Variants in PCDH7 observed in about 807,000 individuals in gnomAD.
PCDH7 encodes protocadherin-7.
Under a neutral mutation model 58.9 loss-of-function variants are expected in PCDH7, and 17 were observed. That is an observed-to-expected ratio of 0.29 (90% confidence interval 0.20 to 0.43). The LOEUF (loss-of-function observed/expected upper bound fraction) is 0.43, where lower values mean the gene tolerates loss of function less well. Ranked by LOEUF, PCDH7 falls within the 20% of genes least tolerant of loss-of-function variation. The pLI is 1.00. For synonymous variants in PCDH7, 664 were observed against 616.4 expected (o/e 1.08, Z -1.14); for missense variants, 1,274 against 1,441.0 (o/e 0.88, Z 1.88).
At chr4:30,961,612 C>A (rs1748445654) in intron 3 of PCDH7, among the ~76,000 whole-genome samples, 1 of 152,040 alleles carries the variant, frequency 6.6e-6, no homozygotes, top group Non-Finnish European at 1.5e-5. Context: ...TGATTATAAT[C>A]AAAACATATC....
intron 1 of PCDH7, among the ~76,000 whole-genome samples, chr4:30,834,686 C>G (rs778093608): frequency 6.6e-6 from 1 of 151,602 alleles, no homozygotes; most frequent in Non-Finnish European, 1.5e-5. Context: ...AAACCTGAGT[C>G]TCTTCCAAGA....
At chr4:30,720,403 G>C (rs1028609299), upstream of PCDH7, 1 of 152,742 alleles carries the variant, frequency 6.5e-6, no homozygotes, top group African/African-American at 2.4e-5. The surrounding 1 kb of genome is among the most constrained non-coding windows in gnomAD (Gnocchi z 4.7). Context: ...CCACTGCTCC[G>C]ACATGCGGGC....
At chr4:30,947,283 G>A (rs532764158) in intron 2 of PCDH7, among the ~76,000 whole-genome samples, 1 of 152,032 alleles carries the variant, frequency 6.6e-6, no homozygotes, top group East Asian at 1.9e-4. Flanking sequence ...GATTCCTGTC[G>A]TTTTGGGAAA....
At chr4:30,758,249 A>G (rs1719565106) in intron 1 of PCDH7, among the ~76,000 whole-genome samples, 1 of 152,096 alleles carries the variant, frequency 6.6e-6, no homozygotes, top group African/African-American at 2.4e-5. Flanking sequence ...CCAGGTAGAA[A>G]CCTGTATGGG....
At chr4:30,814,937 A>T (rs1344330677) in intron 1 of PCDH7, among the ~76,000 whole-genome samples, 2 of 152,038 alleles carry the variant, frequency 1.3e-5, no homozygotes, top group African/African-American at 4.8e-5. Flanking sequence ...CGTGATGGGA[A>T]TGTAAAAAAC....
intron 3 of PCDH7, among the ~76,000 whole-genome samples, chr4:31,007,161 C>T (rs73214969): frequency 0.06 from 9,070 of 152,216 alleles, 373 homozygotes; most frequent in Non-Finnish European, 0.091. Context: ...ACATTACAAG[C>T]TGTCTGGCTT....
At chr4:31,100,736 G>T (rs1336495182) in intron 3 of PCDH7, among the ~76,000 whole-genome samples, 1 of 152,186 alleles carries the variant, frequency 6.6e-6, no homozygotes, top group Non-Finnish European at 1.5e-5. Context: ...ACTTTCTGGA[G>T]AAGTCATAAG....
chr4:31,136,906 T>TTTA (rs1719671818), intron 3 of PCDH7, among the ~76,000 whole-genome samples: 1 of 151,978 alleles, frequency 6.6e-6, no homozygotes, highest in Non-Finnish European at 1.5e-5. Context: ...TTAACCAGCA[T>TTTA]TTAATTATTT....
At chr4:30,905,265 A>G (rs182874989) in intron 1 of PCDH7, among the ~76,000 whole-genome samples, 1 of 152,190 alleles carries the variant, frequency 6.6e-6, no homozygotes, top group Non-Finnish European at 1.5e-5. Flanking sequence ...AGTGTTTTAC[A>G]TACTACTGGA....
chr4:31,115,515 T>A (rs1382234127), intron 3 of PCDH7, among the ~76,000 whole-genome samples: 3 of 152,182 alleles, frequency 2.0e-5, no homozygotes, highest in Admixed American at 1.3e-4. Flanking sequence ...TATGATCATG[T>A]AACTTATTTT....
At chr4:31,005,661 G>A (rs34746571) in intron 3 of PCDH7, among the ~76,000 whole-genome samples, 7,155 of 152,144 alleles carry the variant, frequency 0.047, 416 homozygotes, top group East Asian at 0.3. Flanking sequence ...GATTTTAACC[G>A]TTTTGCAAGT....
intron 1 of PCDH7, among the ~76,000 whole-genome samples, chr4:30,863,234 C>T (rs1734441274): frequency 6.6e-6 from 1 of 152,068 alleles, no homozygotes; most frequent in Non-Finnish European, 1.5e-5. Context: ...AAAATGATGC[C>T]TCATTTCCTG....
chr4:30,951,716 G>T (rs1385850405), intron 3 of PCDH7, among the ~76,000 whole-genome samples: 7 of 152,174 alleles, frequency 4.6e-5, no homozygotes, highest in Admixed American at 4.6e-4. Flanking sequence ...CAATGAGTTA[G>T]AAATTATTAT....
At chr4:30,969,331 A>G (rs1013187444) in intron 3 of PCDH7, among the ~76,000 whole-genome samples, 2 of 152,102 alleles carry the variant, frequency 1.3e-5, no homozygotes, top group African/African-American at 4.8e-5. Context: ...AAATTTCTTG[A>G]TAAGAAAGAA....
chr4:30,763,333 CA>C (rs1242086228), intron 1 of PCDH7, among the ~76,000 whole-genome samples: 2 of 152,170 alleles, frequency 1.3e-5, no homozygotes, highest in Non-Finnish European at 2.9e-5. Flanking sequence ...TAAGATTTCT[CA>C]GAAACATATT....
At chr4:30,743,083 A>T (rs986611995) in intron 1 of PCDH7, among the ~76,000 whole-genome samples, 4 of 152,210 alleles carry the variant, frequency 2.6e-5, no homozygotes, top group African/African-American at 9.6e-5. Context: ...AATATCGATT[A>T]CATGTTATTG....
At chr4:31,138,831 CA>C (rs1719919122) in intron 3 of PCDH7, among the ~76,000 whole-genome samples, 1 of 151,836 alleles carries the variant, frequency 6.6e-6, no homozygotes, top group Admixed American at 6.6e-5. Context: ...AAAAATTAGC[CA>C]GGTGGTAGTG....
intron 3 of PCDH7, among the ~76,000 whole-genome samples, chr4:31,120,757 G>A (rs569052999): frequency 2.6e-5 from 4 of 152,130 alleles, no homozygotes; most frequent in South Asian, 2.1e-4. Context: ...TGGTTACTCC[G>A]GGGGCCCTAG....
chr4:30,878,800 A>G (rs866908130), intron 1 of PCDH7, among the ~76,000 whole-genome samples: 63 of 152,220 alleles, frequency 4.1e-4, no homozygotes, highest in African/African-American at 1.3e-3. Flanking sequence ...CAGTGAGCTG[A>G]GATTGTGCCA....
Sources: allele counts gnomAD v4.1 joint callset (sites outside exome capture counted in the v4.1 genomes callset), GRCh38; gene constraint gnomAD v4.1.1; non-coding constraint Gnocchi (gnomAD v3.1); transcripts MANE v1.5; gene names NCBI Gene and HGNC (gene_info 2026-07-23, HGNC 2026-07-21).